Variants in UBE2E1 observed in about 807,000 individuals in gnomAD.
UBE2E1 encodes ubiquitin-conjugating enzyme E2 E1.
UBE2E1 carries 6 observed loss-of-function variants against 21.4 expected under a neutral mutation model. The ratio of observed to expected loss-of-function variants is 0.28; its 90% CI spans 0.15 to 0.55. UBE2E1 has a LOEUF of 0.55. UBE2E1 is among the 20% of genes least tolerant of loss of function. The probability of loss-of-function intolerance (pLI) is 0.93; values close to 1 mark genes in which losing one functional copy is unlikely to be tolerated. For missense variants in UBE2E1, 142 were observed against 236.5 expected, an observed-to-expected ratio of 0.60 and a Z score of 2.62; for synonymous variants, 87 against 82.7, an observed-to-expected ratio of 1.05 and a Z score of -0.28.
At chr3:23,861,260 C>T (rs1700548697) in intron 3 of UBE2E1, among the ~76,000 whole-genome samples, 1 of 152,194 alleles carries the variant, frequency 6.6e-6, no homozygotes. Context: ...GGTTGTTAGA[C>T]CTCCTATAGC....
At chr3:23,848,870 C>CATG (rs1471109446) in intron 3 of UBE2E1, among the ~76,000 whole-genome samples, 1 of 152,204 alleles carries the variant, frequency 6.6e-6, no homozygotes, top group Non-Finnish European at 1.5e-5. Context: ...CAGTGAAGAC[C>CATG]ATGAGTTCAT....
Position 23,890,598 on chromosome 3 carries a change from G to A in UBE2E1, c.574G>A (p.Ala192Thr). ...RMARQWTKRY[A>T]T The stretch of plus-strand genomic sequence containing the variant: ...GGCCAGACAGTGGACCAAGAGATAC[G>A]CTACATAAATTGGGGTTTCACAATT... The change falls in exon 6 of 6, where the codon GCT (alanine) becomes ACT (threonine). Residue 192 changes from alanine (A) to threonine (T), a missense_variant. Physicochemically the swap from Ala to Thr is moderately conservative, Grantham distance 58 (BLOSUM62 0). Transcript: ENST00000306627. The A allele has an allele frequency of 1.2e-6, 2 of 1,612,918 alleles. No homozygotes were observed. The highest frequency in any genetic ancestry group is 1.7e-6 in the Non-Finnish European group (2 of 1,179,526).
chr3:23,833,978 C>CA (rs200599796), intron 3 of UBE2E1, among the ~76,000 whole-genome samples: 7,295 of 145,954 alleles, frequency 0.05, 239 homozygotes, highest in East Asian at 0.18. Context: ...AGCCCTGTCT[C>CA]AAAAAAAAAT....
At position 23,810,436 on chromosome 3, in the gene UBE2E1, G is replaced by T. The variant is rs781018240; in HGVS notation, c.153-1024G>T. Reference sequence around the variant, plus strand: ...GTTGGTGCGGAGGGAGAAAACTGCAGGTCTCCAGTCTATCCCCAGTGTGAG... The same window carrying T: ...GTTGGTGCGGAGGGAGAAAACTGCATGTCTCCAGTCTATCCCCAGTGTGAG... On this transcript the variant is annotated intron_variant, in intron 2 of 5. Coordinates refer to ENST00000306627, the MANE Select transcript of UBE2E1 (RefSeq NM_003341.5). The surrounding 1 kb of genome is among the most constrained non-coding windows in gnomAD (Gnocchi z 5.8). 1.3e-6 allele frequency: 2 copies of T among 1,535,432 alleles called. No homozygotes were observed. The highest frequency in any genetic ancestry group is 1.7e-6 in the Non-Finnish European group (2 of 1,146,440).
chr3:23,839,713 G>A (rs930313134), intron 3 of UBE2E1, among the ~76,000 whole-genome samples: 43 of 152,038 alleles, frequency 2.8e-4, no homozygotes, highest in Admixed American at 5.2e-4. Context: ...TTGGATATAG[G>A]ATTTTAGGCT....
At chr3:23,855,730 T>C (rs1376074626) in intron 3 of UBE2E1, among the ~76,000 whole-genome samples, 1 of 151,902 alleles carries the variant, frequency 6.6e-6, no homozygotes, top group Non-Finnish European at 1.5e-5. Context: ...CTCAGGAGGC[T>C]GAGGCAGGAG....
chr3:23,833,510 C>T (rs1248446556), intron 3 of UBE2E1, among the ~76,000 whole-genome samples: 1 of 152,110 alleles, frequency 6.6e-6, no homozygotes, highest in African/African-American at 2.4e-5. Context: ...TTCAGAACGC[C>T]ACATGAGAGT....
At chr3:23,857,193 G>A (rs541728238) in intron 3 of UBE2E1, among the ~76,000 whole-genome samples, 2 of 151,932 alleles carry the variant, frequency 1.3e-5, no homozygotes, top group South Asian at 4.2e-4. Context: ...GAGAAAGCTG[G>A]CCCAGCAGCC....
chr3:23,827,728 A>T (rs1699787949), intron 3 of UBE2E1, among the ~76,000 whole-genome samples: 1 of 152,210 alleles, frequency 6.6e-6, no homozygotes, highest in South Asian at 2.1e-4. Context: ...TTTATAACAT[A>T]GCCACTAATA....
chr3:23,834,167 T>C (rs1176279558), intron 3 of UBE2E1, among the ~76,000 whole-genome samples: 1 of 152,258 alleles, frequency 6.6e-6, no homozygotes, highest in African/African-American at 2.4e-5. Context: ...TCATTTGTGA[T>C]AGTCATACAG....
rs1388109384 is a variant in UBE2E1 at position 23,830,716 on chromosome 3, T to C, written c.203+19206T>C. On this transcript the variant is annotated intron_variant, in intron 3 of 5. Transcript: ENST00000306627. Reference sequence around the variant, plus strand: ...CCCTGTTTAAGAGTGGCCTTGTCAATGCTCTCTGTGTATCATGTGTACAGT... The same window carrying C: ...CCCTGTTTAAGAGTGGCCTTGTCAACGCTCTCTGTGTATCATGTGTACAGT... Among the ~76,000 whole-genome samples, 2 of 152,234 alleles carry C rather than the reference T, an allele frequency of 1.3e-5. 1 individual carries two copies. The highest frequency in any genetic ancestry group is 2.9e-5 in the Non-Finnish European group (2 of 68,038).
chr3:23,882,490 G>T (rs1701070552), intron 3 of UBE2E1, among the ~76,000 whole-genome samples: 1 of 152,250 alleles, frequency 6.6e-6, no homozygotes, highest in Admixed American at 6.5e-5. Flanking sequence ...CTGTGCCGGG[G>T]CTGCGGGCGG....
intron 2 of UBE2E1, 39 bp from the exon 3 acceptor site, chr3:23,811,421 T>C (rs1699389937): frequency 1.2e-6 from 2 of 1,612,474 alleles, no homozygotes; most frequent in Non-Finnish European, 1.7e-6. Flanking sequence ...CGCGCCTTAA[T>C]GCTTCTTGTG....
chr3:23,872,061 A>C (rs1212420687), intron 3 of UBE2E1, among the ~76,000 whole-genome samples: 1 of 152,084 alleles, frequency 6.6e-6, no homozygotes, highest in African/African-American at 2.4e-5. Context: ...AGATCACGCC[A>C]CTGCGCTCCA....
intron 3 of UBE2E1, among the ~76,000 whole-genome samples, chr3:23,822,575 TAA>T (rs2125287788): frequency 6.6e-6 from 1 of 152,334 alleles, no homozygotes; most frequent in Non-Finnish European, 1.5e-5. Context: ...ATGTTACAAG[TAA>T]ATAGTGTCAG....
intron 3 of UBE2E1, among the ~76,000 whole-genome samples, chr3:23,882,907 C>T (rs1013326684): frequency 6.6e-6 from 1 of 152,202 alleles, no homozygotes; most frequent in Admixed American, 6.5e-5. Context: ...AGTTCCCACC[C>T]GCGCCTCTCC....
intron 3 of UBE2E1, among the ~76,000 whole-genome samples, chr3:23,859,806 G>C (rs1700512265): frequency 1.3e-5 from 2 of 152,126 alleles, no homozygotes. Flanking sequence ...GCCTCAACCT[G>C]CCCATCCAGC....
intron 3 of UBE2E1, among the ~76,000 whole-genome samples, chr3:23,858,167 C>G (rs1210055052): frequency 6.6e-6 from 1 of 152,110 alleles, no homozygotes; most frequent in Non-Finnish European, 1.5e-5. Context: ...GAAGCTGTTA[C>G]CTACAGTGTA....
Position 23,823,233 on chromosome 3 carries a change from CTTT to C in UBE2E1, c.203+11726_203+11728del, listed in dbSNP as rs1247603347. Among the ~76,000 whole-genome samples, 1 of 152,144 alleles carries C rather than the reference CTTT, an allele frequency of 6.6e-6. No individual in the cohort carries two copies. The highest frequency in any genetic ancestry group is 1.5e-5 in the Non-Finnish European group (1 of 68,018). ...CTTAAAGCAATCATATAAGCATTGT[CTTT>C]TTAATTGTCCACTGATCATGTCTTA... On this transcript the variant is annotated intron_variant, in intron 3 of 5. Coordinates refer to ENST00000306627, the MANE Select transcript of UBE2E1 (RefSeq NM_003341.5). The surrounding 1 kb of genome is among the most constrained non-coding windows in gnomAD (Gnocchi z 4.2).
Sources: allele counts gnomAD v4.1 joint callset (sites outside exome capture counted in the v4.1 genomes callset), GRCh38; gene constraint gnomAD v4.1.1; non-coding constraint Gnocchi (gnomAD v3.1); transcripts MANE v1.5; gene names NCBI Gene and HGNC (gene_info 2026-07-23, HGNC 2026-07-21).